Variants in RAB3GAP1 observed in about 807,000 individuals in gnomAD.
The protein encoded by RAB3GAP1 is RAB3 GTPase activating protein catalytic subunit 1, also known as rab3 GTPase-activating protein catalytic subunit.
RAB3GAP1 carries 86 observed loss-of-function variants against 130.7 expected under a neutral mutation model. The ratio of observed to expected loss-of-function variants is 0.66; its 90% CI spans 0.55 to 0.79. The LOEUF is 0.79. RAB3GAP1 is among the 30% of genes least tolerant of loss of function. The pLI is 0.00. For synonymous variants in RAB3GAP1, 367 were observed against 401.7 expected, an observed-to-expected ratio of 0.91 and a Z score of 1.03; for missense variants, 1,029 against 1,169.4, an observed-to-expected ratio of 0.88 and a Z score of 1.75.
intron 5 of RAB3GAP1, among the ~76,000 whole-genome samples, chr2:135,103,631 T>A (rs1280907373): frequency 6.6e-6 from 1 of 152,184 alleles, no homozygotes; most frequent in Non-Finnish European, 1.5e-5. Flanking sequence ...CCCTCTTCTC[T>A]CTAATCTATG....
intron 8 of RAB3GAP1, 87 bp from the exon 9 acceptor site, chr2:135,124,078 T>C: frequency 7.8e-7 from 1 of 1,289,732 alleles, no homozygotes; most frequent in Non-Finnish European, 1.1e-6. Flanking sequence ...CAGACACTTT[T>C]AAAGCTATGA....
chr2:135,134,399 G>A (rs2104949278), intron 15 of RAB3GAP1, among the ~76,000 whole-genome samples: 1 of 152,046 alleles, frequency 6.6e-6, no homozygotes, highest in African/African-American at 2.4e-5. Context: ...TGCTATATTT[G>A]TACAGGAAAA....
chr2:135,101,533 C>T (rs566823476), intron 5 of RAB3GAP1, among the ~76,000 whole-genome samples: 82 of 152,064 alleles, frequency 5.4e-4, no homozygotes, highest in Non-Finnish European at 8.8e-4. Context: ...GATTTATGTC[C>T]AATGCTCAAT....
rs954082511 is a variant in RAB3GAP1, at chr2:135,096,957, T to C, written c.362+3264T>C. On this transcript the variant is annotated intron_variant, in intron 5 of 23. Transcript: ENST00000264158. ...TGAAGTAATGAAACCTTTCTATATATTAATATAAATAACTTGTTAGTAGGG... is the reference window on the plus strand; with the variant it reads ...TGAAGTAATGAAACCTTTCTATATACTAATATAAATAACTTGTTAGTAGGG... 2.6e-5 allele frequency among the ~76,000 whole-genome samples: 4 copies of C among 152,160 alleles called. No individual in the cohort carries two copies. In the East Asian group the frequency reaches 7.7e-4, roughly 29 times the overall value.
In RAB3GAP1 at chr2:135,071,749, G is replaced by C. The variant is rs1296967350; in HGVS notation, c.150+13663G>C. ...CACATTCCCCCCACAGCAGAACAAT[G>C]ATGACAAGTCTTTGACATTGAGGGT... On this transcript the variant is annotated intron_variant, in intron 3 of 23. Coordinates refer to ENST00000264158, the MANE Select transcript of RAB3GAP1 (RefSeq NM_012233.3). 2.6e-5 allele frequency among the ~76,000 whole-genome samples: 4 copies of C among 152,230 alleles called. No homozygotes were observed. The East Asian group carries it at 7.7e-4, about 29-fold the overall frequency.
At chr2:135,094,879 T>C (rs1054331877) in intron 5 of RAB3GAP1, among the ~76,000 whole-genome samples, 3 of 152,244 alleles carry the variant, frequency 2.0e-5, no homozygotes, top group Non-Finnish European at 4.4e-5. Flanking sequence ...CAGGATTTCA[T>C]TCTTTTTTAT....
At chr2:135,150,595 C>T in intron 18 of RAB3GAP1, 89 bp downstream of exon 18, 1 of 1,532,794 alleles carries the variant, frequency 6.5e-7, no homozygotes, top group Non-Finnish European at 9.0e-7. Flanking sequence ...GTATAAAGGC[C>T]TGAATGTCTT....
At chr2:135,162,114 C>T (rs1359058904) in intron 19 of RAB3GAP1, among the ~76,000 whole-genome samples, 1 of 151,844 alleles carries the variant, frequency 6.6e-6, no homozygotes, top group Non-Finnish European at 1.5e-5. Context: ...ACAACTAAAA[C>T]CAAAAAATGT....
At position 135,096,261 on chromosome 2, in the gene RAB3GAP1, TGTTATCA is replaced by T. The variant is rs1333343286; in HGVS notation, c.362+2572_362+2578del. On this transcript the variant is annotated intron_variant, in intron 5 of 23. Coordinates refer to ENST00000264158, the MANE Select transcript of RAB3GAP1 (RefSeq NM_012233.3). ...ACATACTGGTTTGAAATTATTCTAT[TGTTATCA>T]GTTGGTCTTTTGATTTTTTTAAATT... is the stretch of plus-strand genomic sequence containing the variant. 6.6e-5 allele frequency among the ~76,000 whole-genome samples: 10 copies of T among 152,328 alleles called. No homozygotes were observed. In the East Asian group the frequency reaches 1.7e-3, roughly 26 times the overall value.
chr2:135,149,522 C>T (rs997904397), intron 17 of RAB3GAP1, among the ~76,000 whole-genome samples: 2 of 152,192 alleles, frequency 1.3e-5, no homozygotes, highest in Non-Finnish European at 2.9e-5. Context: ...TACTACATTA[C>T]AGGTTGTTAT....
intron 13 of RAB3GAP1, among the ~76,000 whole-genome samples, chr2:135,132,056 G>T (rs1218506817): frequency 1.3e-5 from 2 of 152,184 alleles, no homozygotes; most frequent in African/African-American, 4.8e-5. Flanking sequence ...TATGAGAATA[G>T]GATAATGCTG....
chr2:135,117,522 G>GCTTCTTCTGCTTCTTCTTCTGCTTCTT lies in RAB3GAP1; in HGVS notation c.648+2174_648+2200dup, dbSNP rs1574126234. Among the ~76,000 whole-genome samples, 16 of 30,046 alleles carry GCTTCTTCTGCTTCTTCTTCTGCTTCTT rather than the reference G, an allele frequency of 5.3e-4. 1 individual carries two copies. In the East Asian group the frequency reaches 0.011, roughly 21 times the overall value. The allele number at this position is 30,046 out of a possible 152,430, so 19.7% of individuals were successfully genotyped here. A position where few individuals can be genotyped will look rare whatever the true frequency, so the allele number is the denominator to read the frequency against. On this transcript the variant is annotated intron_variant, in intron 7 of 23. Transcript: ENST00000264158. ...TTCTTCTTCTTCTTCTGCTTCTTCT[G>GCTTCTTCTGCTTCTTCTTCTGCTTCTT]CTTCTTCTGCTTCTTCTTCTGCTTC...
chr2:135,173,883 G>A (rs1005281719), downstream of RAB3GAP1, among the ~76,000 whole-genome samples: 6 of 152,284 alleles, frequency 3.9e-5, no homozygotes, highest in Admixed American at 1.3e-4. Flanking sequence ...TGGATGCCTC[G>A]ATGCCTCTAT....
At chr2:135,117,456 G>T (rs62170190) in intron 7 of RAB3GAP1, among the ~76,000 whole-genome samples, 10,868 of 40,146 alleles carry the variant, frequency 0.27, 918 homozygotes, top group African/African-American at 0.44. Context: ...TTCTTCTTCT[G>T]CTTCTGCTTC....
At chr2:135,153,173 A>G (rs1462516900) in intron 18 of RAB3GAP1, among the ~76,000 whole-genome samples, 3 of 151,672 alleles carry the variant, frequency 2.0e-5, no homozygotes, top group Admixed American at 2.0e-4. Flanking sequence ...GAACTTTTCC[A>G]TCACTGTGTT....
chr2:135,127,527 A>G (rs1691390472), intron 11 of RAB3GAP1, among the ~76,000 whole-genome samples: 1 of 151,606 alleles, frequency 6.6e-6, no homozygotes, highest in Non-Finnish European at 1.5e-5. Flanking sequence ...TGTTTTTAGT[A>G]GAGACGGGGT....
intron 5 of RAB3GAP1, among the ~76,000 whole-genome samples, chr2:135,097,801 A>T (rs1037077911): frequency 2.0e-5 from 3 of 152,096 alleles, no homozygotes; most frequent in Non-Finnish European, 4.4e-5. Flanking sequence ...GGTTATTAGG[A>T]TTGTTTTTAG....
At chr2:135,168,330 T>C (rs1053328668) in intron 23 of RAB3GAP1, among the ~76,000 whole-genome samples, 2 of 152,250 alleles carry the variant, frequency 1.3e-5, no homozygotes, top group African/African-American at 2.4e-5. Context: ...TCATCCCTCC[T>C]GTCTGTCTCC....
intron 5 of RAB3GAP1, among the ~76,000 whole-genome samples, chr2:135,110,213 A>G (rs1286979847): frequency 6.6e-6 from 1 of 151,742 alleles, no homozygotes; most frequent in Non-Finnish European, 1.5e-5. Context: ...GGTTCACTAC[A>G]GCCTTGACCT....
Sources: gnomAD v4.1 joint callset for allele counts (sites outside exome capture counted in the v4.1 genomes callset) on GRCh38, gnomAD v4.1.1 for gene constraint, MANE v1.5 for transcripts, NCBI Gene and HGNC (gene_info 2026-07-23, HGNC 2026-07-21) for gene names.